NYAP2: variants seen among roughly 807,000 people sequenced by gnomAD.
NYAP2 encodes the protein neuronal tyrosine-phosphorylated phosphoinositide-3-kinase adaptor 2.
A neutral mutation model predicts 50.4 loss-of-function variants in NYAP2; 23 were observed. The ratio of observed to expected loss-of-function variants is 0.46; its 90% CI spans 0.33 to 0.65. The LOEUF (loss-of-function observed/expected upper bound fraction) is 0.65. Ranked by LOEUF, NYAP2 falls within the 30% of genes least tolerant of loss-of-function variation. The pLI, the probability that NYAP2 is intolerant of heterozygous loss-of-function variation, is 0.02. For synonymous variants in NYAP2, 394 were observed against 365.2 expected (o/e 1.08, Z -0.90); for missense variants, 885 against 861.0 (o/e 1.03, Z -0.35).
chr2:225,692,222 G>A, the NYAP2 span, among the ~76,000 whole-genome samples: 4 of 151,856 alleles, frequency 2.6e-5, no homozygotes, highest in Non-Finnish European at 5.9e-5. Context: ...TTTTATTTTG[G>A]TATCATTTTC....
intron 4 of NYAP2, among the ~76,000 whole-genome samples, chr2:225,577,584 T>C (rs1350624118): frequency 6.6e-6 from 1 of 152,182 alleles, no homozygotes; most frequent in Non-Finnish European, 1.5e-5. Flanking sequence ...ATAGTGGCAG[T>C]TGAAACACAT....
At chr2:225,453,212 C>T (rs1428291434) in intron 3 of NYAP2, among the ~76,000 whole-genome samples, 1 of 151,818 alleles carries the variant, frequency 6.6e-6, no homozygotes, top group East Asian at 1.9e-4. Context: ...TTTCATATAC[C>T]AAAACATTAG....
chr2:225,599,760 T>C (rs1692664842), intron 5 of NYAP2, among the ~76,000 whole-genome samples: 1 of 152,256 alleles, frequency 6.6e-6, no homozygotes, highest in African/African-American at 2.4e-5. Flanking sequence ...GTTGAGAAGA[T>C]CTGTACTTTT....
intron 6 of NYAP2, among the ~76,000 whole-genome samples, chr2:225,632,133 A>T (rs1470046169): frequency 1.3e-5 from 2 of 152,214 alleles, no homozygotes; most frequent in Non-Finnish European, 2.9e-5. Context: ...ACCATGCACT[A>T]CTTGAATATT....
At chr2:225,464,278 C>A (rs574676101) in intron 3 of NYAP2, among the ~76,000 whole-genome samples, 1 of 152,286 alleles carries the variant, frequency 6.6e-6, no homozygotes, top group Non-Finnish European at 1.5e-5. Flanking sequence ...GGACCTCTCC[C>A]TCTGCTCAAT....
intron 3 of NYAP2, among the ~76,000 whole-genome samples, chr2:225,492,642 G>A (rs570857770): frequency 2.3e-4 from 35 of 152,254 alleles, no homozygotes; most frequent in African/African-American, 4.6e-4. Flanking sequence ...CTGTACATGC[G>A]TGGCCCTGGC....
At chr2:225,456,395 C>G (rs1479628995) in intron 3 of NYAP2, among the ~76,000 whole-genome samples, 7 of 152,204 alleles carry the variant, frequency 4.6e-5, no homozygotes, top group Non-Finnish European at 1.5e-5. Flanking sequence ...TGCCTTGAAT[C>G]TCTGTCTCTG....
chr2:225,688,738 CT>C, the NYAP2 span, among the ~76,000 whole-genome samples: 1 of 151,934 alleles, frequency 6.6e-6, no homozygotes, highest in Non-Finnish European at 1.5e-5. Flanking sequence ...AGAAAATCAA[CT>C]TTTTTTTGTC....
At chr2:225,419,110 G>A (rs2106125554) in intron 3 of NYAP2, among the ~76,000 whole-genome samples, 1 of 152,274 alleles carries the variant, frequency 6.6e-6, no homozygotes, top group Middle Eastern at 3.4e-3. Context: ...AAATCATGCA[G>A]TCGGCGATAC....
At chr2:225,450,553 A>C (rs1689633677) in intron 3 of NYAP2, among the ~76,000 whole-genome samples, 1 of 152,202 alleles carries the variant, frequency 6.6e-6, no homozygotes, top group African/African-American at 2.4e-5. Flanking sequence ...TTCAAACTCC[A>C]GCTCCGCTAC....
At chr2:225,436,079 C>T (rs1689371022) in intron 3 of NYAP2, among the ~76,000 whole-genome samples, 1 of 152,186 alleles carries the variant, frequency 6.6e-6, no homozygotes, top group African/African-American at 2.4e-5. Context: ...GTTGTGGACT[C>T]CATCCAGTCT....
chr2:225,643,395 A>G (rs1032076350), intron 6 of NYAP2, among the ~76,000 whole-genome samples: 3 of 152,148 alleles, frequency 2.0e-5, no homozygotes, highest in African/African-American at 7.2e-5. Flanking sequence ...AATTAATTGT[A>G]TAAAAAGTTA....
At chr2:225,412,255 C>CTTTTTTT (rs560637948) in intron 3 of NYAP2, among the ~76,000 whole-genome samples, 709 of 59,090 alleles carry the variant, frequency 0.012, 86 homozygotes, top group African/African-American at 0.035. Context: ...CTGCGCCCGG[C>CTTTTTTT]TTTTTTTTTT....
intron 2 of NYAP2, among the ~76,000 whole-genome samples, chr2:225,408,105 G>T (rs1311445567): frequency 6.6e-6 from 1 of 151,794 alleles, no homozygotes; most frequent in East Asian, 1.9e-4. Context: ...GTTTTGTTTT[G>T]ATTTAATTTT....
At chr2:225,583,793 C>A (rs1692342179) in intron 5 of NYAP2, among the ~76,000 whole-genome samples, 1 of 152,182 alleles carries the variant, frequency 6.6e-6, no homozygotes, top group Non-Finnish European at 1.5e-5. Context: ...GTAATCCCAG[C>A]ACTTTGGGAG....
At chr2:225,419,607 T>C (rs898391194) in intron 3 of NYAP2, among the ~76,000 whole-genome samples, 1 of 152,228 alleles carries the variant, frequency 6.6e-6, no homozygotes, top group Admixed American at 6.5e-5. Context: ...CTTCATTTTG[T>C]TGAGCTGTTA....
At chr2:225,688,867 C>T in the NYAP2 span, among the ~76,000 whole-genome samples, 1 of 152,098 alleles carries the variant, frequency 6.6e-6, no homozygotes, top group East Asian at 1.9e-4. Flanking sequence ...CTCAGCCTCC[C>T]GAGTAGCCGG....
At chr2:225,480,498 A>G (rs1483578129) in intron 3 of NYAP2, among the ~76,000 whole-genome samples, 3 of 152,144 alleles carry the variant, frequency 2.0e-5, no homozygotes, top group East Asian at 3.9e-4. Flanking sequence ...AGTGAACTTC[A>G]TTCAAAATGG....
At chr2:225,485,594 A>G (rs528982613) in intron 3 of NYAP2, among the ~76,000 whole-genome samples, 3 of 152,240 alleles carry the variant, frequency 2.0e-5, no homozygotes, top group Admixed American at 6.5e-5. Context: ...GGAGCCAGAG[A>G]TTATTGGTGG....
Sources: allele counts gnomAD v4.1 joint callset (sites outside exome capture counted in the v4.1 genomes callset), GRCh38; gene constraint gnomAD v4.1.1; transcripts MANE v1.5; gene names NCBI Gene and HGNC (gene_info 2026-07-23, HGNC 2026-07-21).